RSU1: variants seen among roughly 807,000 people sequenced by gnomAD.
RSU1 encodes Ras suppressor protein 1.
A neutral mutation model predicts 31.1 loss-of-function variants in RSU1; 26 were observed. The observed-to-expected ratio is 0.84, with a 90% CI of 0.61 to 1.16. The LOEUF is 1.16. Ranked by LOEUF, RSU1 falls within the 50% of genes most tolerant of loss-of-function variation. RSU1 has a pLI of 0.00. For synonymous variants in RSU1, 164 were observed against 136.3 expected (o/e 1.20, Z -1.41); for missense variants, 320 against 339.1 (o/e 0.94, Z 0.44).
intron 7 of RSU1, among the ~76,000 whole-genome samples, chr10:16,720,570 A>T (rs377569374): frequency 1.6e-4 from 25 of 152,228 alleles, no homozygotes; most frequent in African/African-American, 5.8e-4. Context: ...TTCTTGTTCA[A>T]CATTTTCTCA....
chr10:16,666,899 G>T (rs1835000111), intron 8 of RSU1, among the ~76,000 whole-genome samples: 1 of 152,060 alleles, frequency 6.6e-6, no homozygotes, highest in Non-Finnish European at 1.5e-5. Flanking sequence ...TAAAGCAGGA[G>T]AACTGCTTGA....
intron 8 of RSU1, among the ~76,000 whole-genome samples, chr10:16,633,713 G>A (rs1834294788): frequency 6.6e-6 from 1 of 152,190 alleles, no homozygotes; most frequent in African/African-American, 2.4e-5. Flanking sequence ...TTTGGCCTAA[G>A]TGACCTCCAC....
At position 16,593,096 on chromosome 10, in the gene RSU1, G is replaced by C. The variant is rs1399970422; in HGVS notation, c.*298C>G. ...TATTCTTTTGATAATAAGCAACCTT[G>C]TGATATCTATTCAAGAAAAGCCAGA... On this transcript the variant is annotated 3_prime_UTR_variant, in exon 9 of 9. Coordinates refer to ENST00000345264, the MANE Select transcript of RSU1 (RefSeq NM_012425.4). 1 of 271,184 alleles carries C rather than the reference G, an allele frequency of 3.7e-6. No individual in the cohort carries two copies. The highest frequency in any genetic ancestry group is 2.2e-5 in the African/African-American group (1 of 45,992). The allele number at this position is 271,184 out of a possible 1,614,324, so 16.8% of individuals were successfully genotyped here.
intron 8 of RSU1, among the ~76,000 whole-genome samples, chr10:16,683,799 G>A (rs1024746840): frequency 6.6e-6 from 1 of 152,184 alleles, no homozygotes; most frequent in Non-Finnish European, 1.5e-5. Flanking sequence ...AAATACATTT[G>A]AGAAATATAC....
At chr10:16,625,135 A>G (rs887206020) in intron 8 of RSU1, among the ~76,000 whole-genome samples, 1 of 152,190 alleles carries the variant, frequency 6.6e-6, no homozygotes, top group Non-Finnish European at 1.5e-5. Flanking sequence ...GGGGAAATTC[A>G]GGCAGAATCC....
At chr10:16,657,146 T>G (rs1834799505) in intron 8 of RSU1, among the ~76,000 whole-genome samples, 1 of 152,180 alleles carries the variant, frequency 6.6e-6, no homozygotes, top group African/African-American at 2.4e-5. Flanking sequence ...AGGAGCCACA[T>G]TAACCTCTCA....
At chr10:16,776,945 G>T (rs983441702) in intron 3 of RSU1, among the ~76,000 whole-genome samples, 3 of 151,598 alleles carry the variant, frequency 2.0e-5, no homozygotes, top group South Asian at 2.1e-4. Context: ...TTGAGATAGG[G>T]TCTTGCCCTG....
chr10:16,694,410 A>G (rs1050306032), intron 8 of RSU1, among the ~76,000 whole-genome samples: 1 of 152,086 alleles, frequency 6.6e-6, no homozygotes, highest in South Asian at 2.1e-4. Flanking sequence ...TTCACAGAAG[A>G]AAAAAAATAT....
At chr10:16,776,410 A>G (rs1404726940) in intron 3 of RSU1, among the ~76,000 whole-genome samples, 1 of 152,156 alleles carries the variant, frequency 6.6e-6, no homozygotes, top group Non-Finnish European at 1.5e-5. Flanking sequence ...TGAAACCACC[A>G]AAGAAGGTAT....
chr10:16,597,370 G>A (rs768175816), intron 8 of RSU1, among the ~76,000 whole-genome samples: 11 of 152,308 alleles, frequency 7.2e-5, no homozygotes, highest in African/African-American at 2.4e-4. Flanking sequence ...GTGTGTGTCT[G>A]AACATCCTGG....
intron 7 of RSU1, among the ~76,000 whole-genome samples, chr10:16,709,990 C>T (rs1045271428): frequency 1.3e-5 from 2 of 152,140 alleles, no homozygotes; most frequent in South Asian, 2.1e-4. Context: ...TTCCTCTTTT[C>T]CAATTTGGAT....
chr10:16,612,339 T>C lies in RSU1; in HGVS notation c.732-18843A>G, dbSNP rs138573096. ...TGAAACTACCAACAAGTTTAGTCAC[T>C]TTCTGAGCCTGGTTTTCACTGAATA... is the stretch of plus-strand genomic sequence containing the variant. On this transcript the variant is annotated intron_variant, in intron 8 of 8. Transcript: ENST00000345264. Among the ~76,000 whole-genome samples, 243 of 152,342 alleles carry C rather than the reference T, an allele frequency of 1.6e-3. 1 individual carries two copies. The highest frequency in any genetic ancestry group is 5.6e-3 in the African/African-American group (232 of 41,582).
In RSU1 at chr10:16,760,236, G is replaced by A. The variant is rs1024467026; in HGVS notation, c.281+4154C>T. Among the ~76,000 whole-genome samples the A allele has an allele frequency of 2.4e-4, 37 of 152,188 alleles. 1 individual carries two copies. The highest frequency in any genetic ancestry group is 1.9e-3 in the Admixed American group (29 of 15,286). ...GAAAAGGAAAAGTTTAGGGCCGGGC[G>A]CAGTGGCTCATGCCTGTAATCCCAG... On this transcript the variant is annotated intron_variant, in intron 4 of 8. Transcript: ENST00000345264.
Position 16,675,042 on chromosome 10 carries a change from TAAATAA to T in RSU1, c.731+19975_731+19980del, listed in dbSNP as rs1249755082. Among the ~76,000 whole-genome samples the T allele has an allele frequency of 2.7e-5, 4 of 148,664 alleles. No homozygotes were observed. In the East Asian group the frequency reaches 7.9e-4, roughly 29 times the overall value. On this transcript the variant is annotated intron_variant, in intron 8 of 8. Coordinates refer to ENST00000345264, the MANE Select transcript of RSU1 (RefSeq NM_012425.4). The stretch of plus-strand genomic sequence containing the variant: ...AGTGAGACCCTGTATCAAAAATAAA[TAAATAA>T]AAATAAAAATTAGCTAGGCATGGTG...
intron 2 of RSU1, among the ~76,000 whole-genome samples, chr10:16,815,787 A>G (rs1256589422): frequency 1.3e-5 from 2 of 152,220 alleles, no homozygotes; most frequent in Non-Finnish European, 2.9e-5. Flanking sequence ...GCAGACGGAT[A>G]AGGTTTTACA....
chr10:16,782,954 AG>A (rs1837687211), intron 2 of RSU1, among the ~76,000 whole-genome samples: 2 of 150,128 alleles, frequency 1.3e-5, no homozygotes, highest in Non-Finnish European at 3.0e-5. Context: ...TCTGTTGCCC[AG>A]GTTGGAGTAC....
intron 2 of RSU1, among the ~76,000 whole-genome samples, chr10:16,790,931 C>G (rs188155402): frequency 6.6e-5 from 10 of 152,256 alleles, no homozygotes; most frequent in Admixed American, 5.2e-4. Flanking sequence ...GAACTGTGAG[C>G]CAATTAAACC....
chr10:16,761,063 T>G (rs1413977846), intron 4 of RSU1, among the ~76,000 whole-genome samples: 1 of 152,138 alleles, frequency 6.6e-6, no homozygotes, highest in Non-Finnish European at 1.5e-5. Flanking sequence ...TGCCTCAGCC[T>G]CCCAGGTAGA....
In RSU1 at chr10:16,783,364, C is replaced by CTTTTTTTTTTTTTT. The variant is rs57270890; in HGVS notation, c.110-1281_110-1280insAAAAAAAAAAAAAA. On this transcript the variant is annotated intron_variant, in intron 2 of 8. Transcript: ENST00000345264. ...TCACTTCTACTGACCACAACTTTTG[C>CTTTTTTTTTTTTTT]TTTTTTTTTTGAGACTGAGTCTCAC... Among the ~76,000 whole-genome samples the CTTTTTTTTTTTTTT allele has an allele frequency of 2.1e-3, 282 of 131,950 alleles. 9 individuals carry two copies. Among genetic ancestry groups the CTTTTTTTTTTTTTT allele is most frequent in the Middle Eastern group, 4.1e-3 (1 of 246 alleles). The allele number at this position is 131,950 out of a possible 152,430, so 86.6% of individuals were successfully genotyped here.
Sources: gnomAD v4.1 joint callset for allele counts (sites outside exome capture counted in the v4.1 genomes callset) on GRCh38, gnomAD v4.1.1 for gene constraint, MANE v1.5 for transcripts, NCBI Gene and HGNC (gene_info 2026-07-23, HGNC 2026-07-21) for gene names.